MAST2: variants seen among roughly 807,000 people sequenced by gnomAD.
MAST2 encodes the protein microtubule-associated serine/threonine-protein kinase 2.
Under a neutral mutation model 147.4 loss-of-function variants are expected in MAST2, and 70 were observed. The ratio of observed to expected loss-of-function variants is 0.47; its 90% CI spans 0.39 to 0.58. MAST2 has a LOEUF of 0.58. Among genes scored for constraint, MAST2 ranks in the 20% least tolerant of loss-of-function variants. The pLI, the probability that MAST2 is intolerant of heterozygous loss-of-function variation, is 0.00. For synonymous variants in MAST2, 869 were observed against 896.8 expected (o/e 0.97, Z 0.55); for missense variants, 2,080 against 2,302.3 (o/e 0.90, Z 1.98).
At chr1:45,834,085 A>G (rs1279202026) in intron 3 of MAST2, among the ~76,000 whole-genome samples, 1 of 152,166 alleles carries the variant, frequency 6.6e-6, no homozygotes, top group Non-Finnish European at 1.5e-5. Flanking sequence ...GAAAAATCTT[A>G]ACTAGAATGT....
At chr1:45,962,989 C>A (rs575437369) in intron 5 of MAST2, among the ~76,000 whole-genome samples, 1 of 152,302 alleles carries the variant, frequency 6.6e-6, no homozygotes, top group South Asian at 2.1e-4. Context: ...TATGGCTAGC[C>A]AGTTTTCCCA....
At chr1:45,821,641 TC>T (rs1446283635) in intron 1 of MAST2, among the ~76,000 whole-genome samples, 1 of 147,182 alleles carries the variant, frequency 6.8e-6, no homozygotes, top group African/African-American at 2.5e-5. Flanking sequence ...TGCCTCAGCC[TC>T]CCGAGTAGCT....
chr1:45,975,098 T>C (rs1194243488), intron 5 of MAST2, among the ~76,000 whole-genome samples: 2 of 152,076 alleles, frequency 1.3e-5, no homozygotes, highest in Non-Finnish European at 2.9e-5. Flanking sequence ...ACAAAGGGCA[T>C]GTGAAATCCA....
intron 1 of MAST2, among the ~76,000 whole-genome samples, chr1:45,807,958 A>G (rs898391938): frequency 6.6e-6 from 1 of 152,148 alleles, no homozygotes; most frequent in African/African-American, 2.4e-5. Context: ...GTTGAATTCT[A>G]TTTATTTGGG....
chr1:45,969,973 C>G (rs989206033), intron 5 of MAST2, among the ~76,000 whole-genome samples: 2 of 152,136 alleles, frequency 1.3e-5, no homozygotes, highest in African/African-American at 4.8e-5. Context: ...GTATTTCCCC[C>G]ACACCATAGC....
At chr1:45,856,182 A>G (rs1164497032) in intron 3 of MAST2, among the ~76,000 whole-genome samples, 1 of 152,174 alleles carries the variant, frequency 6.6e-6, no homozygotes, top group Non-Finnish European at 1.5e-5. Flanking sequence ...GTTTGAGGTC[A>G]GGCATGGGTG....
rs1030539785 is a variant in MAST2, at chr1:45,868,407, G to T, written c.469-13957G>T. Among the ~76,000 whole-genome samples, 11 of 152,248 alleles carry T rather than the reference G, an allele frequency of 7.2e-5. No individual in the cohort carries two copies. In the East Asian group the frequency reaches 2.1e-3, roughly 29 times the overall value. On this transcript the variant is annotated intron_variant, in intron 3 of 28. Coordinates refer to ENST00000361297, the MANE Select transcript of MAST2 (RefSeq NM_015112.3). The stretch of plus-strand genomic sequence containing the variant: ...ATTATTTGCCCATAAGGCACATATA[G>T]TAATCTGTCTTCATTGTATAGACAG...
intron 4 of MAST2, among the ~76,000 whole-genome samples, chr1:45,907,167 C>A (rs1650899246): frequency 1.3e-5 from 2 of 152,132 alleles, no homozygotes; most frequent in South Asian, 4.1e-4. Flanking sequence ...TGATGCATCA[C>A]TATATATATT....
chr1:45,872,439 A>G (rs1646433335), intron 3 of MAST2, among the ~76,000 whole-genome samples: 1 of 149,742 alleles, frequency 6.7e-6, no homozygotes, highest in South Asian at 2.1e-4. Flanking sequence ...AGTAGTGCAT[A>G]TAGGCAGTGA....
intron 3 of MAST2, among the ~76,000 whole-genome samples, chr1:45,855,045 C>T (rs1645743841): frequency 6.6e-6 from 1 of 152,204 alleles, no homozygotes; most frequent in Admixed American, 6.5e-5. Flanking sequence ...GAACCCTGTA[C>T]TTCACTGATT....
At chr1:45,834,225 ATATT>A (rs1178115435) in intron 3 of MAST2, among the ~76,000 whole-genome samples, 3 of 152,190 alleles carry the variant, frequency 2.0e-5, no homozygotes, top group Non-Finnish European at 4.4e-5. Context: ...ATTTAAATAA[ATATT>A]GTATTGATTT....
At chr1:45,957,636 T>A (rs1376383778) in intron 4 of MAST2, among the ~76,000 whole-genome samples, 1 of 152,158 alleles carries the variant, frequency 6.6e-6, no homozygotes, top group South Asian at 2.1e-4. Flanking sequence ...TATTTTTTTT[T>A]AATTTTTATT....
intron 5 of MAST2, among the ~76,000 whole-genome samples, chr1:45,974,668 G>A (rs896108528): frequency 6.6e-6 from 1 of 152,194 alleles, no homozygotes; most frequent in Non-Finnish European, 1.5e-5. Flanking sequence ...AGAGGATAAA[G>A]TATGATACAG....
chr1:45,853,202 T>A (rs1237791334), intron 3 of MAST2, among the ~76,000 whole-genome samples: 1 of 152,132 alleles, frequency 6.6e-6, no homozygotes, highest in East Asian at 1.9e-4. Context: ...AGTGCTGGGA[T>A]TACAGATATG....
chr1:45,996,422 T>C (rs1645060954), intron 5 of MAST2, among the ~76,000 whole-genome samples: 3 of 152,170 alleles, frequency 2.0e-5, no homozygotes, highest in Admixed American at 1.3e-4. Flanking sequence ...CCTTATTAAG[T>C]CCTGGCTAAG....
chr1:45,849,312 A>C (rs1390143827), intron 3 of MAST2, among the ~76,000 whole-genome samples: 1 of 152,184 alleles, frequency 6.6e-6, no homozygotes, highest in Non-Finnish European at 1.5e-5. Context: ...TGGGGGCCTC[A>C]CGTTACCCAA....
chr1:45,947,223 C>T (rs573831987), intron 4 of MAST2, among the ~76,000 whole-genome samples: 1 of 150,030 alleles, frequency 6.7e-6, no homozygotes, highest in South Asian at 2.1e-4. Context: ...GTTTTACAAG[C>T]CAATCTTTTG....
chr1:45,823,697 G>A (rs1380833488), intron 1 of MAST2, among the ~76,000 whole-genome samples: 1 of 152,088 alleles, frequency 6.6e-6, no homozygotes, highest in Non-Finnish European at 1.5e-5. Context: ...TTACTTATCT[G>A]TATTTGTTAC....
At chr1:45,853,972 G>C (rs1645707597) in intron 3 of MAST2, among the ~76,000 whole-genome samples, 2 of 152,084 alleles carry the variant, frequency 1.3e-5, no homozygotes, top group Non-Finnish European at 2.9e-5. Flanking sequence ...ATGTCCAGTT[G>C]TTCTAGTATA....
Sources: allele counts gnomAD v4.1 joint callset (sites outside exome capture counted in the v4.1 genomes callset), GRCh38; gene constraint gnomAD v4.1.1; transcripts MANE v1.5; gene names NCBI Gene and HGNC (gene_info 2026-07-23, HGNC 2026-07-21).